Variants in SLC30A9 observed in about 807,000 individuals in gnomAD.
The protein encoded by SLC30A9 is proton-coupled zinc antiporter SLC30A9, mitochondrial.
In SLC30A9, 58 loss-of-function variants were observed where a neutral mutation model predicts 87.5. That is an observed-to-expected ratio of 0.66 (90% CI 0.54 to 0.82). The LOEUF (loss-of-function observed/expected upper bound fraction) is 0.82, where lower values mean the gene tolerates loss of function less well. SLC30A9 is among the 40% of genes least tolerant of loss of function. The probability of loss-of-function intolerance (pLI) is 0.00; values close to 1 mark genes in which losing one functional copy is unlikely to be tolerated. For synonymous variants in SLC30A9, 234 were observed against 233.0 expected, an observed-to-expected ratio of 1.00 and a Z score of -0.04; for missense variants, 557 against 679.1, an observed-to-expected ratio of 0.82 and a Z score of 2.00.
chr4:42,005,731 G>C (rs1715173906), intron 2 of SLC30A9, among the ~76,000 whole-genome samples: 1 of 152,060 alleles, frequency 6.6e-6, no homozygotes, highest in South Asian at 2.1e-4. Flanking sequence ...ATCATTTTTT[G>C]CTAGACTAAC....
intron 8 of SLC30A9, 69 bp from the exon 9 acceptor site, chr4:42,049,308 G>A: frequency 1.1e-6 from 1 of 879,054 alleles, no homozygotes; most frequent in Non-Finnish European, 1.9e-6. Context: ...ATATACAGCT[G>A]ATTGAGTATG....
intron 8 of SLC30A9, among the ~76,000 whole-genome samples, chr4:42,041,665 G>A (rs1716928006): frequency 6.6e-6 from 1 of 152,168 alleles, no homozygotes; most frequent in Non-Finnish European, 1.5e-5. Flanking sequence ...GAGCCCAGGA[G>A]TTTAAGGCTA....
chr4:42,070,409 A>T (rs1280030896), intron 14 of SLC30A9, 117 bp from the exon 15 acceptor site: 2 of 707,138 alleles, frequency 2.8e-6, no homozygotes, highest in Non-Finnish European at 4.6e-6. Flanking sequence ...TAATTAAAGA[A>T]ATTAGGAATA....
At chr4:41,998,887 G>T (rs1264424384) in intron 1 of SLC30A9, among the ~76,000 whole-genome samples, 1 of 152,114 alleles carries the variant, frequency 6.6e-6, no homozygotes, top group Non-Finnish European at 1.5e-5. Flanking sequence ...GGTGGTAAAT[G>T]TATGTGCCAT....
chr4:42,028,384 G>A (rs2153136261), intron 6 of SLC30A9, among the ~76,000 whole-genome samples: 1 of 152,276 alleles, frequency 6.6e-6, no homozygotes, highest in Middle Eastern at 3.4e-3. Flanking sequence ...CTCTCAAAGT[G>A]CTGGGATTAT....
chr4:42,067,723 T>C (rs1328322636), intron 14 of SLC30A9, among the ~76,000 whole-genome samples: 1 of 152,222 alleles, frequency 6.6e-6, no homozygotes, highest in Non-Finnish European at 1.5e-5. Flanking sequence ...TAGGTTTTCT[T>C]TGGGCACCCC....
intron 14 of SLC30A9, among the ~76,000 whole-genome samples, chr4:42,068,547 A>G (rs1021634034): frequency 6.6e-6 from 1 of 152,132 alleles, no homozygotes; most frequent in African/African-American, 2.4e-5. Context: ...GCCCGGCCGG[A>G]ACTTAACTCT....
At chr4:42,041,752 C>A (rs1236047998) in intron 8 of SLC30A9, among the ~76,000 whole-genome samples, 1 of 152,060 alleles carries the variant, frequency 6.6e-6, no homozygotes, top group African/African-American at 2.4e-5. Flanking sequence ...AAATAGCCAG[C>A]TAGGGGGTGG....
chr4:42,063,127 C>T lies in SLC30A9; in HGVS notation c.1032+6C>T, dbSNP rs1015615623. Reference sequence around the variant, plus strand: ...CAATAGAATCCCTTCTATGGGTAATCCTCTTTTTTTCTCCTCAGTTTTGAT... The same window carrying T: ...CAATAGAATCCCTTCTATGGGTAATTCTCTTTTTTTCTCCTCAGTTTTGAT... On this transcript the variant is annotated splice_donor_region_variant and intron_variant, in intron 11 of 17. Transcript: ENST00000264451. 16 of 1,611,644 alleles carry T rather than the reference C, an allele frequency of 9.9e-6. No individual in the cohort carries two copies. The highest frequency in any genetic ancestry group is 1.2e-5 in the Non-Finnish European group (14 of 1,179,102).
intron 15 of SLC30A9, among the ~76,000 whole-genome samples, chr4:42,073,362 G>A (rs771774517): frequency 2.0e-5 from 3 of 152,158 alleles, no homozygotes; most frequent in Non-Finnish European, 2.9e-5. Context: ...TGGCAAATTC[G>A]AAATTTTGTG....
At chr4:42,020,262 G>A (rs1387677946) in intron 3 of SLC30A9, among the ~76,000 whole-genome samples, 154 bp from the exon 4 acceptor site, 25 of 152,088 alleles carry the variant, frequency 1.6e-4, no homozygotes, top group Admixed American at 1.6e-3. Context: ...ATCCTATTCT[G>A]CACTTGGATA....
At chr4:42,000,496 T>C (rs1386745526) in intron 1 of SLC30A9, among the ~76,000 whole-genome samples, 3 of 152,104 alleles carry the variant, frequency 2.0e-5, no homozygotes, top group Non-Finnish European at 4.4e-5. Flanking sequence ...AAAAACATTA[T>C]AGGCCTTCAA....
intron 2 of SLC30A9, among the ~76,000 whole-genome samples, chr4:42,007,898 T>G (rs1442797869): frequency 6.6e-6 from 1 of 152,216 alleles, no homozygotes; most frequent in Non-Finnish European, 1.5e-5. Context: ...ATTTTTCACG[T>G]AACAAGTGTG....
At chr4:42,032,463 A>T (rs1270618151) in intron 6 of SLC30A9, among the ~76,000 whole-genome samples, 1 of 152,218 alleles carries the variant, frequency 6.6e-6, no homozygotes, top group Non-Finnish European at 1.5e-5. Flanking sequence ...AAATTATTTG[A>T]CTATCTCAGT....
chr4:42,050,660 G>A (rs1577708926), intron 9 of SLC30A9, among the ~76,000 whole-genome samples: 2 of 152,280 alleles, frequency 1.3e-5, no homozygotes, highest in South Asian at 4.1e-4. Context: ...CAGAACTTCT[G>A]CTTTCACCCA....
intron 1 of SLC30A9, among the ~76,000 whole-genome samples, chr4:41,998,637 T>A (rs527638206): frequency 8.5e-5 from 13 of 152,180 alleles, no homozygotes; most frequent in African/African-American, 3.1e-4. Flanking sequence ...CTGATTTTTT[T>A]GTATTTTTAG....
intron 2 of SLC30A9, among the ~76,000 whole-genome samples, chr4:42,014,434 G>A (rs1715606915): frequency 6.6e-6 from 1 of 152,094 alleles, no homozygotes; most frequent in Non-Finnish European, 1.5e-5. Flanking sequence ...GCATGTGCCT[G>A]TAGTCCCAGC....
intron 6 of SLC30A9, among the ~76,000 whole-genome samples, chr4:42,027,105 T>C (rs1716225419): frequency 6.6e-6 from 1 of 152,212 alleles, no homozygotes; most frequent in African/African-American, 2.4e-5. Flanking sequence ...GTTGGCTAAC[T>C]ATGGCCCGTG....
In SLC30A9 at chr4:42,089,047, A is replaced by G. The variant is rs1441344287; in HGVS notation, c.*2921A>G. 6.6e-6 allele frequency: 1 copy of G among 152,184 alleles called. No individual in the cohort carries two copies. Among genetic ancestry groups the G allele is most frequent in the Admixed American group, 6.5e-5 (1 of 15,280 alleles). The allele number at this position is 152,184 out of a possible 1,614,324, so 9.4% of individuals were successfully genotyped here. A position where few individuals can be genotyped will look rare whatever the true frequency, so the allele number is the denominator to read the frequency against. ...TCTTACTTTGTATCTACTTTGGCAT[A>G]TAGCATTTGAGTATTAAAGCATATA... On this transcript the variant is annotated 3_prime_UTR_variant, in exon 18 of 18. Coordinates refer to ENST00000264451, the MANE Select transcript of SLC30A9 (RefSeq NM_006345.4).
Sources: gnomAD v4.1 joint callset for allele counts (sites outside exome capture counted in the v4.1 genomes callset) on GRCh38, gnomAD v4.1.1 for gene constraint, MANE v1.5 for transcripts, NCBI Gene and HGNC (gene_info 2026-07-23, HGNC 2026-07-21) for gene names.